SPPL3: variants seen among roughly 807,000 people sequenced by gnomAD.
SPPL3 encodes the protein signal peptide peptidase-like 3.
Under a neutral mutation model 42.4 loss-of-function variants are expected in SPPL3, and 5 were observed. That is an observed-to-expected ratio of 0.12 (90% CI 0.06 to 0.25). The LOEUF (loss-of-function observed/expected upper bound fraction) is 0.25, where lower values mean the gene tolerates loss of function less well. SPPL3 is among the 10% of genes least tolerant of loss of function. The pLI is 1.00. For missense variants in SPPL3, 235 were observed against 489.0 expected (o/e 0.48, Z 4.90); for synonymous variants, 195 against 181.8 (o/e 1.07, Z -0.58).
At chr12:120,859,506 TTTTTG>T (rs755914833) in intron 1 of SPPL3, among the ~76,000 whole-genome samples, 1 of 152,208 alleles carries the variant, frequency 6.6e-6, no homozygotes, top group Non-Finnish European at 1.5e-5. Context: ...GACAAAAAAG[TTTTTG>T]TTTTTTCAAA....
chr12:120,849,200 CA>C (rs773182893), intron 1 of SPPL3, among the ~76,000 whole-genome samples: 208 of 152,066 alleles, frequency 1.4e-3, no homozygotes, highest in Non-Finnish European at 2.6e-3. Context: ...CAAAAGAAAA[CA>C]ATAATAATAA....
At chr12:120,815,306 C>T (rs1870831509) in intron 1 of SPPL3, among the ~76,000 whole-genome samples, 1 of 152,094 alleles carries the variant, frequency 6.6e-6, no homozygotes, top group Admixed American at 6.5e-5. Flanking sequence ...TTTTACCCAT[C>T]TGAGAGATGA....
chr12:120,880,162 G>C (rs765425197), intron 1 of SPPL3, among the ~76,000 whole-genome samples: 5 of 151,652 alleles, frequency 3.3e-5, no homozygotes, highest in Non-Finnish European at 5.9e-5. Context: ...ACATTATTGA[G>C]TGAAAAAAGC....
chr12:120,820,545 T>C (rs1436405450), intron 1 of SPPL3, among the ~76,000 whole-genome samples: 1 of 152,028 alleles, frequency 6.6e-6, no homozygotes, highest in African/African-American at 2.4e-5. Flanking sequence ...CTCGATCTCC[T>C]GACCTTGTGA....
chr12:120,850,982 G>A (rs1363609923), intron 1 of SPPL3, among the ~76,000 whole-genome samples: 3 of 152,116 alleles, frequency 2.0e-5, no homozygotes, highest in African/African-American at 7.2e-5. Flanking sequence ...TTAATTTGAT[G>A]CCATCTGCAA....
chr12:120,895,098 T>C (rs957137335), intron 1 of SPPL3, among the ~76,000 whole-genome samples: 1 of 152,074 alleles, frequency 6.6e-6, no homozygotes, highest in Non-Finnish European at 1.5e-5. Flanking sequence ...AAGTAGATCA[T>C]GAAGGAAACT....
At chr12:120,780,678 A>C (rs1156370919) in intron 6 of SPPL3, among the ~76,000 whole-genome samples, 1 of 151,330 alleles carries the variant, frequency 6.6e-6, no homozygotes, top group Non-Finnish European at 1.5e-5. Context: ...ACCTGAGGTC[A>C]GGGGTTCGAG....
intron 1 of SPPL3, among the ~76,000 whole-genome samples, chr12:120,878,456 G>A (rs1205174029): frequency 6.6e-6 from 1 of 152,216 alleles, no homozygotes; most frequent in East Asian, 1.9e-4. Context: ...TCAAGGGATT[G>A]GGTCTCAATT....
intron 2 of SPPL3, 88 bp downstream of exon 2, chr12:120,810,721 C>T (rs985062143): frequency 8.1e-6 from 8 of 991,098 alleles, no homozygotes; most frequent in Non-Finnish European, 1.2e-5. Flanking sequence ...TTTTTCTTCA[C>T]AGAGTAAGTT....
At chr12:120,778,858 A>T (rs1869425763) in intron 6 of SPPL3, among the ~76,000 whole-genome samples, 1 of 152,224 alleles carries the variant, frequency 6.6e-6, no homozygotes, top group African/African-American at 2.4e-5. Context: ...TTTCTTTCTT[A>T]TTAAGATGAT....
At chr12:120,856,887 G>A (rs1872477482) in intron 1 of SPPL3, among the ~76,000 whole-genome samples, 3 of 152,192 alleles carry the variant, frequency 2.0e-5, no homozygotes, top group African/African-American at 7.2e-5. Flanking sequence ...AGCAAGGTGA[G>A]CTGAACTAGG....
At chr12:120,843,998 C>T (rs1223978527) in intron 1 of SPPL3, among the ~76,000 whole-genome samples, 1 of 152,090 alleles carries the variant, frequency 6.6e-6, no homozygotes, top group African/African-American at 2.4e-5. Flanking sequence ...CAAAACAAAA[C>T]AAAACATTTG....
Position 120,815,241 on chromosome 12 carries a change from C to T in SPPL3, c.24-4355G>A, listed in dbSNP as rs150333829. On this transcript the variant is annotated intron_variant, in intron 1 of 10. Coordinates refer to ENST00000353487, the MANE Select transcript of SPPL3 (RefSeq NM_139015.5). ...GGTTATACCATTTCACACTCTCATC[C>T]GTAATGAACTCAATGCTCCTACTTT... Among the ~76,000 whole-genome samples, 253 of 152,276 alleles carry T rather than the reference C, an allele frequency of 1.7e-3. 4 individuals carry two copies. The highest frequency in any genetic ancestry group is 9.3e-3 in the Admixed American group (143 of 15,296).
At chr12:120,902,948 C>T (rs1874029825) in intron 1 of SPPL3, among the ~76,000 whole-genome samples, 1 of 152,158 alleles carries the variant, frequency 6.6e-6, no homozygotes. Context: ...ATGTTCCTTC[C>T]CCCAAACCCT....
chr12:120,880,781 C>T (rs747649626), intron 1 of SPPL3, among the ~76,000 whole-genome samples: 5 of 151,264 alleles, frequency 3.3e-5, no homozygotes, highest in South Asian at 4.2e-4. Flanking sequence ...AGAGAGACTC[C>T]GTCTCGGGGG....
intron 10 of SPPL3, among the ~76,000 whole-genome samples, chr12:120,765,934 G>A (rs1868872455): frequency 6.6e-6 from 1 of 152,150 alleles, no homozygotes; most frequent in South Asian, 2.1e-4. Context: ...TAGGTGGCAG[G>A]AGGGCACTGC....
intron 1 of SPPL3, among the ~76,000 whole-genome samples, chr12:120,838,765 C>T (rs1023701778): frequency 3.9e-5 from 6 of 152,160 alleles, no homozygotes; most frequent in African/African-American, 1.4e-4. Flanking sequence ...TGAGCTTCAT[C>T]ATCACTGGCC....
At position 120,904,110 on chromosome 12, in the gene SPPL3, C is replaced by A; in HGVS notation, c.-243G>T. On this transcript the variant is annotated 5_prime_UTR_variant, in exon 1 of 11. Coordinates refer to ENST00000353487, the MANE Select transcript of SPPL3 (RefSeq NM_139015.5). The stretch of plus-strand genomic sequence containing the variant: ...CGCTCTCGGCCTCCCTCACCCGCGG[C>A]GGCGGCGGCGGCTCCGCTGCAGCTC... 3.3e-6 allele frequency: 1 copy of A among 306,468 alleles called. No individual in the cohort carries two copies. Among genetic ancestry groups the A allele is most frequent in the Non-Finnish European group, 5.9e-6 (1 of 168,294 alleles). 19.0% of individuals were successfully genotyped at this position (306,468 alleles called of 1,614,324 possible). A position where few individuals can be genotyped will look rare whatever the true frequency, so the allele number is the denominator to read the frequency against.
chr12:120,835,550 A>T (rs1871589547), intron 1 of SPPL3: 1 of 152,230 alleles, frequency 6.6e-6, no homozygotes, highest in South Asian at 2.1e-4. Context: ...ATAGTCAGAA[A>T]AATCTTGAGA....
Sources: gnomAD v4.1 joint callset for allele counts (sites outside exome capture counted in the v4.1 genomes callset) on GRCh38, gnomAD v4.1.1 for gene constraint, MANE v1.5 for transcripts, NCBI Gene and HGNC (gene_info 2026-07-23, HGNC 2026-07-21) for gene names.